Variants in TRIM2 observed in about 807,000 individuals in gnomAD.
TRIM2 encodes tripartite motif-containing protein 2.
Under a neutral mutation model 75.2 loss-of-function variants are expected in TRIM2, and 20 were observed. The ratio of observed to expected loss-of-function variants is 0.27; its 90% CI spans 0.19 to 0.39. TRIM2 has a LOEUF of 0.39. TRIM2 is among the 10% of genes least tolerant of loss of function. TRIM2 has a pLI of 1.00. For missense variants in TRIM2, 660 were observed against 990.8 expected (o/e 0.67, Z 4.48); for synonymous variants, 373 against 388.3 (o/e 0.96, Z 0.46).
At chr4:153,246,171 GC>G (rs1749084214) in intron 1 of TRIM2, among the ~76,000 whole-genome samples, 1 of 152,134 alleles carries the variant, frequency 6.6e-6, no homozygotes, top group Non-Finnish European at 1.5e-5. Flanking sequence ...TATGTGCCAG[GC>G]AACGTGCTAA....
At position 153,304,409 on chromosome 4, in the gene TRIM2, C is replaced by T. The variant is rs576000560; in HGVS notation, c.1510+8373C>T. ...GATTACAGGCGTGAGCCACCATGCC[C>T]GGCCCCTTGAGATGACATTTAAATT... On this transcript the variant is annotated intron_variant, in intron 6 of 11. Transcript: ENST00000338700. Among the ~76,000 whole-genome samples the T allele has an allele frequency of 5.1e-4, 78 of 152,118 alleles. 1 individual carries two copies. The highest frequency in any genetic ancestry group is 9.0e-4 in the Non-Finnish European group (61 of 68,012).
At chr4:153,310,203 C>T (rs1304870545) in intron 6 of TRIM2, 1 of 152,088 alleles carries the variant, frequency 6.6e-6, no homozygotes, top group East Asian at 1.9e-4. Flanking sequence ...GTTATTCATT[C>T]TACTAGCTAA....
rs1219568984 is a variant in TRIM2, at chr4:153,334,398, CTTT to C, written c.2164-407_2164-405del. 2.2e-5 allele frequency among the ~76,000 whole-genome samples: 3 copies of C among 135,108 alleles called. No homozygotes were observed. The Admixed American group carries it at 2.2e-4, about 10-fold the overall frequency. 88.6% of individuals were successfully genotyped at this position (135,108 alleles called of 152,430 possible). A position where few individuals can be genotyped will look rare whatever the true frequency, so the allele number is the denominator to read the frequency against. Reference sequence around the variant, plus strand: ...TTTGTTTTGCTTTTTTTTTTTTCTGCTTTTTTTTTTTAAGAGACGGGGTCTCGC... The same window carrying C: ...TTTGTTTTGCTTTTTTTTTTTTCTGCTTTTTTTTAAGAGACGGGGTCTCGC... On this transcript the variant is annotated intron_variant, in intron 11 of 11. Coordinates refer to ENST00000338700, the MANE Select transcript of TRIM2 (RefSeq NM_015271.5).
At chr4:153,232,729 G>A (rs1743976101) in intron 1 of TRIM2, among the ~76,000 whole-genome samples, 1 of 152,170 alleles carries the variant, frequency 6.6e-6, no homozygotes, top group South Asian at 2.1e-4. Flanking sequence ...AGTAGCAATG[G>A]TAATGTGTCG....
At chr4:153,175,485 C>CG (rs1228773850) in intron 1 of TRIM2, among the ~76,000 whole-genome samples, 1 of 151,482 alleles carries the variant, frequency 6.6e-6, no homozygotes. Context: ...TGGGAAACAG[C>CG]GGGGGGAGGG....
At chr4:153,211,908 A>T (rs7689149) in intron 1 of TRIM2, among the ~76,000 whole-genome samples, 10,144 of 152,218 alleles carry the variant, frequency 0.067, 1,039 homozygotes, top group African/African-American at 0.22. Flanking sequence ...ACTTTTCTAA[A>T]TCTGTGAGAA....
chr4:153,292,941 C>G (rs377275275), intron 3 of TRIM2, 41 bp from the exon 4 acceptor site: 222 of 1,543,188 alleles, frequency 1.4e-4, no homozygotes, highest in Non-Finnish European at 1.8e-4. Flanking sequence ...AGCCCTCAAC[C>G]CATGGCCCAG....
chr4:153,154,472 G>A (rs1729035827), intron 1 of TRIM2, among the ~76,000 whole-genome samples: 2 of 152,132 alleles, frequency 1.3e-5, no homozygotes, highest in Admixed American at 1.3e-4. Flanking sequence ...GGGTGTAACA[G>A]GATAATATCA....
rs115812215 is a variant in TRIM2, at chr4:153,306,435, G to A, written c.1511-9050G>A. Among the ~76,000 whole-genome samples, 455 of 152,308 alleles carry A rather than the reference G, an allele frequency of 3.0e-3. 2 individuals carry two copies. The highest frequency in any genetic ancestry group is 9.8e-3 in the African/African-American group (407 of 41,558). On this transcript the variant is annotated intron_variant, in intron 6 of 11. Coordinates refer to ENST00000338700, the MANE Select transcript of TRIM2 (RefSeq NM_015271.5). The stretch of plus-strand genomic sequence containing the variant: ...CAGTTTTGATCTTCCAGGTTGAAGT[G>A]TATAGTAGGCAGTTTGCAGTATAGG...
At chr4:153,235,686 G>A (rs1485891760) in intron 1 of TRIM2, among the ~76,000 whole-genome samples, 1 of 152,186 alleles carries the variant, frequency 6.6e-6, no homozygotes, top group Non-Finnish European at 1.5e-5. Flanking sequence ...TTTTAAAGAA[G>A]GCTCAATTCA....
intron 8 of TRIM2, among the ~76,000 whole-genome samples, chr4:153,321,365 T>C (rs1401902669): frequency 2.6e-5 from 4 of 152,212 alleles, no homozygotes; most frequent in Non-Finnish European, 5.9e-5. Context: ...AGCACTTCTT[T>C]ATACGTAGTC....
At chr4:153,205,138 C>T (rs763892684) in intron 1 of TRIM2, among the ~76,000 whole-genome samples, 2 of 152,192 alleles carry the variant, frequency 1.3e-5, no homozygotes, top group Non-Finnish European at 2.9e-5. Flanking sequence ...TGCCGTGCGA[C>T]TGTGGAATGA....
chr4:153,338,894 A>C lies in TRIM2; in HGVS notation c.*3928A>C. ...TCAATGGAGTGTATTCTTGTAATAGAATTCTTTATATCGTTCTCAATTCTA... is the reference window on the plus strand; with the variant it reads ...TCAATGGAGTGTATTCTTGTAATAGCATTCTTTATATCGTTCTCAATTCTA... On this transcript the variant is annotated 3_prime_UTR_variant, in exon 12 of 12. Coordinates refer to ENST00000338700, the MANE Select transcript of TRIM2 (RefSeq NM_015271.5). 2 of 985,572 alleles carry C rather than the reference A, an allele frequency of 2.0e-6. No homozygotes were observed. Among genetic ancestry groups the C allele is most frequent in the Non-Finnish European group, 2.4e-6 (2 of 829,830 alleles). The allele number at this position is 985,572 out of a possible 1,614,324, so 61.1% of individuals were successfully genotyped here.
chr4:153,263,101 C>T (rs147053498), intron 1 of TRIM2, among the ~76,000 whole-genome samples: 47 of 152,200 alleles, frequency 3.1e-4, no homozygotes, highest in African/African-American at 1.1e-3. Flanking sequence ...GAGGCTGAAG[C>T]GAGAGGATCA....
chr4:153,174,127 G>A (rs965591414), intron 1 of TRIM2, among the ~76,000 whole-genome samples: 7 of 34,620 alleles, frequency 2.0e-4, no homozygotes, highest in East Asian at 9.0e-4. Flanking sequence ...TGACAGCACC[G>A]TTTTCAGTGG....
chr4:153,153,077 C>A (rs148667070), upstream of TRIM2: 1 of 152,298 alleles, frequency 6.6e-6, no homozygotes, highest in African/African-American at 2.4e-5. Context: ...GGCGGTCTGA[C>A]ACAGTTATTA....
chr4:153,168,866 T>C (rs1465511776), intron 1 of TRIM2, among the ~76,000 whole-genome samples: 2 of 152,074 alleles, frequency 1.3e-5, no homozygotes, highest in African/African-American at 4.8e-5. Context: ...TACTTCAGCT[T>C]AGGAGTTCAA....
intron 1 of TRIM2, among the ~76,000 whole-genome samples, chr4:153,267,378 T>C (rs1337724523): frequency 6.6e-6 from 1 of 152,310 alleles, no homozygotes; most frequent in East Asian, 1.9e-4. Flanking sequence ...AGAATAATAG[T>C]GTGACCCCTC....
chr4:153,287,250 G>A (rs1162280819), intron 3 of TRIM2, among the ~76,000 whole-genome samples: 11 of 152,136 alleles, frequency 7.2e-5, no homozygotes. Context: ...AAAGTACTGG[G>A]ATTACAGGCA....
Sources: allele counts gnomAD v4.1 joint callset (sites outside exome capture counted in the v4.1 genomes callset), GRCh38; gene constraint gnomAD v4.1.1; transcripts MANE v1.5; gene names NCBI Gene and HGNC (gene_info 2026-07-23, HGNC 2026-07-21).